Variants in TRAPPC6B observed in about 807,000 individuals in gnomAD.
The protein encoded by TRAPPC6B is trafficking protein particle complex subunit 6B.
Under a neutral mutation model 24.7 loss-of-function variants are expected in TRAPPC6B, and 27 were observed. The ratio of observed to expected loss-of-function variants is 1.09; its 90% CI spans 0.81 to 1.51. The LOEUF is 1.51. Among genes scored for constraint, TRAPPC6B ranks in the 40% most tolerant of loss-of-function variants. The pLI, the probability that TRAPPC6B is intolerant of heterozygous loss-of-function variation, is 0.00. For synonymous variants in TRAPPC6B, 80 were observed against 66.6 expected, an observed-to-expected ratio of 1.20 and a Z score of -0.98; for missense variants, 212 against 190.8, an observed-to-expected ratio of 1.11 and a Z score of -0.66.
Position 39,149,117 on chromosome 14 carries a change from G to A in TRAPPC6B, c.*1233C>T, listed in dbSNP as rs748109074. ...AAATCAAGTTAAACAAATTATCTTT[G>A]TAATACTGTACCCTTCCATGAAAGG... On this transcript the variant is annotated 3_prime_UTR_variant, in exon 6 of 6. Transcript: ENST00000330149. 1 of 192,510 alleles carries A rather than the reference G, an allele frequency of 5.2e-6. No individual in the cohort carries two copies. The highest frequency in any genetic ancestry group is 1.0e-5 in the Non-Finnish European group (1 of 95,438). The allele number at this position is 192,510 out of a possible 1,614,324, so 11.9% of individuals were successfully genotyped here.
At chr14:39,157,882 TATAAAA>T (rs572341054) in intron 3 of TRAPPC6B, 12 of 165,348 alleles carry the variant, frequency 7.3e-5, no homozygotes, top group Non-Finnish European at 1.4e-4. Flanking sequence ...GTTTTCTGTA[TATAAAA>T]ATAATTAAAA....
intron 1 of TRAPPC6B, among the ~76,000 whole-genome samples, chr14:39,162,265 A>G (rs756331120): frequency 6.6e-6 from 1 of 151,930 alleles, no homozygotes; most frequent in Non-Finnish European, 1.5e-5. Flanking sequence ...GGTTCAAGCA[A>G]TCCTCCCACC....
Position 39,149,396 on chromosome 14 carries a change from C to T in TRAPPC6B, c.*954G>A, listed in dbSNP as rs1008149779. 6.6e-6 allele frequency: 1 copy of T among 152,100 alleles called. No homozygotes were observed. The highest frequency in any genetic ancestry group is 1.5e-5 in the Non-Finnish European group (1 of 68,024). 9.4% of individuals were successfully genotyped at this position (152,100 alleles called of 1,614,324 possible). ...AAGTATAGTTTTAGTAATCAACATG[C>T]AAGATTCTAACAAAAGCTGGAGATA... On this transcript the variant is annotated 3_prime_UTR_variant, in exon 6 of 6. Transcript: ENST00000330149.
At position 39,151,841 on chromosome 14, in the gene TRAPPC6B, T is replaced by A; in HGVS notation, c.352-2A>T. 1 of 1,581,522 alleles carries A rather than the reference T, an allele frequency of 6.3e-7. No individual in the cohort carries two copies. Among genetic ancestry groups the A allele is most frequent in the Non-Finnish European group, 8.6e-7 (1 of 1,167,130 alleles). The stretch of plus-strand genomic sequence containing the variant: ...TAAGCCACACGTAAATGCTAAATAC[T>A]AAAAGGAAAAAAAATCATTAAAAAT... On this transcript the variant is annotated splice_acceptor_variant, in intron 4 of 5. Transcript: ENST00000330149. LOFTEE classifies it high-confidence loss of function.
chr14:39,154,808 G>T (rs189798943), intron 3 of TRAPPC6B, among the ~76,000 whole-genome samples: 3 of 152,102 alleles, frequency 2.0e-5, no homozygotes, highest in South Asian at 2.1e-4. Flanking sequence ...AATGTATACC[G>T]AACGGTTTTA....
At chr14:39,169,083 G>A (rs922412198) in intron 1 of TRAPPC6B, among the ~76,000 whole-genome samples, 1 of 151,986 alleles carries the variant, frequency 6.6e-6, no homozygotes, top group Admixed American at 6.6e-5. Context: ...CTTTGCCTAG[G>A]ATACATTTCC....
rs768789946 is a variant in TRAPPC6B at position 39,169,999 on chromosome 14, G to C, written c.81+16C>G. 1 of 1,613,346 alleles carries C rather than the reference G, an allele frequency of 6.2e-7. No individual in the cohort carries two copies. The highest frequency in any genetic ancestry group is 1.3e-5 in the African/African-American group (1 of 74,916). The stretch of plus-strand genomic sequence containing the variant: ...GTCACCGCAAAAGGACCTCAAGGTT[G>C]TGTGGCAGCACTCACCACCTCCCCC... On this transcript the variant is annotated intron_variant, in intron 1 of 5. Coordinates refer to ENST00000330149, the MANE Select transcript of TRAPPC6B (RefSeq NM_001079537.2).
At chr14:39,161,881 GA>G (rs572091202) in intron 1 of TRAPPC6B, among the ~76,000 whole-genome samples, 56 of 152,312 alleles carry the variant, frequency 3.7e-4, no homozygotes, top group African/African-American at 9.9e-4. Context: ...CTGGTAACGA[GA>G]ATCTCTAGAA....
chr14:39,151,625 C>T, intron 5 of TRAPPC6B, 121 bp downstream of exon 5: 1 of 705,568 alleles, frequency 1.4e-6, no homozygotes, highest in Non-Finnish European at 2.3e-6. Flanking sequence ...TAAAGTGTTA[C>T]ATTGATAAAA....
chr14:39,159,381 GAATTAA>G lies in TRAPPC6B; in HGVS notation c.149+96_149+101del, dbSNP rs1594539743. 1.5e-5 allele frequency: 11 copies of G among 724,848 alleles called. No homozygotes were observed. The East Asian group carries it at 3.0e-4, about 20-fold the overall frequency. The allele number at this position is 724,848 out of a possible 1,614,324, so 44.9% of individuals were successfully genotyped here. A position where few individuals can be genotyped will look rare whatever the true frequency, so the allele number is the denominator to read the frequency against. On this transcript the variant is annotated intron_variant, in intron 2 of 5. Transcript: ENST00000330149. ...TTGAAGTAAAGAGAATAACATTCAG[GAATTAA>G]AATTAAAATATCCCAAGTTTTATGC...
chr14:39,150,112 G>A lies in TRAPPC6B; in HGVS notation c.*238C>T. The A allele has an allele frequency of 4.8e-6, 2 of 418,398 alleles. No homozygotes were observed. The highest frequency in any genetic ancestry group is 8.4e-6 in the Non-Finnish European group (2 of 238,846). The allele number at this position is 418,398 out of a possible 1,614,324, so 25.9% of individuals were successfully genotyped here. On this transcript the variant is annotated 3_prime_UTR_variant, in exon 6 of 6. Coordinates refer to ENST00000330149, the MANE Select transcript of TRAPPC6B (RefSeq NM_001079537.2). ...CCAAATAAAAAGGTTTAAAATAAGG[G>A]CCCTGCATCTTGGTGTCTGGTTATT...
At chr14:39,163,178 T>C (rs1030063322) in intron 1 of TRAPPC6B, among the ~76,000 whole-genome samples, 1 of 150,360 alleles carries the variant, frequency 6.7e-6, no homozygotes, top group African/African-American at 2.5e-5. Context: ...GAGATCATCC[T>C]GGCTAACACA....
intron 3 of TRAPPC6B, among the ~76,000 whole-genome samples, chr14:39,156,246 A>T (rs1191732231): frequency 6.6e-6 from 1 of 152,230 alleles, no homozygotes; most frequent in Non-Finnish European, 1.5e-5. Context: ...GAACTCTGGG[A>T]GGCCAAGGCG....
chr14:39,151,420 T>G (rs2052911891), intron 5 of TRAPPC6B, among the ~76,000 whole-genome samples: 1 of 151,316 alleles, frequency 6.6e-6, no homozygotes, highest in Non-Finnish European at 1.5e-5. Context: ...AAAATAGCAT[T>G]TTCAATGTTC....
intron 1 of TRAPPC6B, among the ~76,000 whole-genome samples, chr14:39,161,659 G>A (rs943786510): frequency 6.6e-6 from 1 of 152,140 alleles, no homozygotes; most frequent in East Asian, 1.9e-4. Context: ...TTGGGCATGA[G>A]AGCCAACTCT....
In TRAPPC6B at chr14:39,150,202, T is replaced by A; in HGVS notation, c.*148A>T. The A allele has an allele frequency of 1.5e-6, 1 of 657,042 alleles. No individual in the cohort carries two copies. The highest frequency in any genetic ancestry group is 2.0e-5 in the South Asian group (1 of 49,706). 40.7% of individuals were successfully genotyped at this position (657,042 alleles called of 1,614,324 possible). A position where few individuals can be genotyped will look rare whatever the true frequency, so the allele number is the denominator to read the frequency against. ...TATGTCATGGCAGAATGTCCCTTCATCTCCTTTGATCTGTGTTAAATTGAT... is the reference window on the plus strand; with the variant it reads ...TATGTCATGGCAGAATGTCCCTTCAACTCCTTTGATCTGTGTTAAATTGAT... On this transcript the variant is annotated 3_prime_UTR_variant, in exon 6 of 6. Transcript: ENST00000330149.
Position 39,151,798 on chromosome 14 carries a change from T to G in TRAPPC6B, c.393A>C (p.Ser131=). The change falls in exon 5 of 6, where the codon TCA becomes TCC. Residue 131 remains serine (S), a synonymous_variant. Coordinates refer to ENST00000330149, the MANE Select transcript of TRAPPC6B (RefSeq NM_001079537.2). ...TTACAATACTTTTTATTCCCAAGTT[T>G]GATAAGCCACCTCTGATTAAGCCAC... ...FTCGLIRGGL[S]NLGIKSIVTA... 3.7e-6 allele frequency: 6 copies of G among 1,609,654 alleles called. No individual in the cohort carries two copies. The highest frequency in any genetic ancestry group is 5.1e-6 in the Non-Finnish European group (6 of 1,178,772).
rs1385168935 is a variant in TRAPPC6B at position 39,170,047 on chromosome 14, C to T, written c.49G>A (p.Gly17Arg). Reference protein sequence around the residue: ...FLLLHNEMVSGVYKSAEQGEV... With the variant: ...FLLLHNEMVSRVYKSAEQGEV... Reference sequence around the variant, plus strand: ...CCCTGCTCCGCGGACTTGTACACTCCAGACACCATCTCGTTATGGAGAAGC... The same window carrying T: ...CCCTGCTCCGCGGACTTGTACACTCTAGACACCATCTCGTTATGGAGAAGC... Residue 17 changes from glycine to arginine, a missense_variant, in exon 1 of 6, where the codon GGA becomes AGA. Coordinates refer to ENST00000330149, the MANE Select transcript of TRAPPC6B (RefSeq NM_001079537.2). 1.2e-6 allele frequency: 2 copies of T among 1,614,070 alleles called. No individual in the cohort carries two copies. Among genetic ancestry groups the T allele is most frequent in the South Asian group, 1.1e-5 (1 of 91,080 alleles).
intron 4 of TRAPPC6B, among the ~76,000 whole-genome samples, chr14:39,152,791 T>C (rs2139377095): frequency 6.6e-6 from 1 of 152,328 alleles, no homozygotes; most frequent in East Asian, 1.9e-4. Context: ...AATCACTGAA[T>C]TGGTCCAACT....
Sources: allele counts gnomAD v4.1 joint callset (sites outside exome capture counted in the v4.1 genomes callset), GRCh38; gene constraint gnomAD v4.1.1; transcripts MANE v1.5; gene names NCBI Gene and HGNC (gene_info 2026-07-23, HGNC 2026-07-21).